SETX: variants seen among roughly 807,000 people sequenced by gnomAD.
SETX encodes senataxin, also known as helicase senataxin.
In SETX, 90 loss-of-function variants were observed where a neutral mutation model predicts 227.2. The observed-to-expected ratio is 0.40, with a 90% CI of 0.33 to 0.47. The LOEUF (loss-of-function observed/expected upper bound fraction) is 0.47. Ranked by LOEUF, SETX falls within the 20% of genes least tolerant of loss-of-function variation. The pLI, the probability that SETX is intolerant of heterozygous loss-of-function variation, is 0.91. For synonymous variants in SETX, 1,210 were observed against 1,113.2 expected (o/e 1.09, Z -1.73); for missense variants, 3,052 against 3,181.5 (o/e 0.96, Z 0.98).
chr9:132,264,976 G>A lies in SETX; in HGVS notation c.7297C>T (p.His2433Tyr), dbSNP rs1267309673. The change falls in exon 26 of 26, where the codon CAT becomes TAT. Residue 2433 changes from histidine (H) to tyrosine (Y), a missense_variant. Transcript: ENST00000224140. ...GCATCCTGAATCAGCTGATTCCAAT[G>A]CTGGTTTTCCTTGAAACAATGAGAA... Reference protein sequence around the residue: ...GHLRTLMENQHWNQLIQDAQK... With the variant: ...GHLRTLMENQYWNQLIQDAQK... 3 of 1,613,612 alleles carry A rather than the reference G, an allele frequency of 1.9e-6. No homozygotes were observed. The highest frequency in any genetic ancestry group is 1.7e-6 in the Non-Finnish European group (2 of 1,180,028).
chr9:132,342,899 G>C, intron 4 of SETX, 100 bp from the exon 5 acceptor site: 1 of 921,514 alleles, frequency 1.1e-6, no homozygotes, highest in Middle Eastern at 2.9e-4. Flanking sequence ...ATAAAAATTT[G>C]CTTTTTATTT....
At chr9:132,312,765 C>T (rs528586879) in intron 10 of SETX, among the ~76,000 whole-genome samples, 13 of 152,278 alleles carry the variant, frequency 8.5e-5, no homozygotes, top group African/African-American at 3.1e-4. Context: ...AAGGCAACTC[C>T]ATAGAATCAT....
At chr9:132,275,160 G>T in intron 23 of SETX, 96 bp downstream of exon 23, 2 of 1,362,694 alleles carry the variant, frequency 1.5e-6, no homozygotes, top group Non-Finnish European at 2.1e-6. Context: ...AATTTGCACA[G>T]ACCACTCCTT....
chr9:132,344,221 T>G (rs372185542), intron 4 of SETX, among the ~76,000 whole-genome samples: 4 of 152,280 alleles, frequency 2.6e-5, no homozygotes, highest in African/African-American at 9.6e-5. Flanking sequence ...AGATGGTTTT[T>G]GGGTTTTTTA....
At chr9:132,347,169 T>G (rs1044485675) in intron 3 of SETX, among the ~76,000 whole-genome samples, 1 of 149,142 alleles carries the variant, frequency 6.7e-6, no homozygotes, top group Non-Finnish European at 1.5e-5. Context: ...GGAGAATCGC[T>G]TGAACCCAGG....
intron 15 of SETX, among the ~76,000 whole-genome samples, chr9:132,290,570 G>A (rs907756571): frequency 2.2e-4 from 19 of 87,842 alleles, no homozygotes; most frequent in African/African-American, 1.3e-3. Flanking sequence ...GCGAGACTCC[G>A]TCTCAAAAAA....
chr9:132,291,324 G>A (rs1255277057), intron 15 of SETX, among the ~76,000 whole-genome samples: 2 of 151,696 alleles, frequency 1.3e-5, no homozygotes, highest in African/African-American at 4.8e-5. Context: ...CCCCCACCAC[G>A]CCCAGCTAAT....
chr9:132,319,145 T>C (rs1226528596), intron 10 of SETX, among the ~76,000 whole-genome samples: 1 of 152,100 alleles, frequency 6.6e-6, no homozygotes, highest in Non-Finnish European at 1.5e-5. Flanking sequence ...CCACATCAGT[T>C]CTATCACCAA....
chr9:132,293,068 A>G (rs1337876816), intron 15 of SETX, among the ~76,000 whole-genome samples: 1 of 152,242 alleles, frequency 6.6e-6, no homozygotes, highest in Non-Finnish European at 1.5e-5. Flanking sequence ...GCAATCTAGC[A>G]GTGTATTAAA....
chr9:132,327,666 C>T lies in SETX; in HGVS notation c.3932G>A (p.Arg1311His), dbSNP rs767094849. ...QRSLDYVAQL[R>H]DHGKTVGVVD... is the part of the protein sequence containing the mutation. ...TACTCCAACAGTTTTGCCATGATCACGTAATTGAGCTACATAATCCAAAGA... is the reference window on the plus strand; with the variant it reads ...TACTCCAACAGTTTTGCCATGATCATGTAATTGAGCTACATAATCCAAAGA... Residue 1311 changes from arginine to histidine, a missense_variant, in exon 10 of 26, where the codon CGT (arginine) becomes CAT (histidine). This residue lies in a region of SETX where 1,483 missense variants were observed against 1,312.0 expected (regional missense o/e 1.13). Coordinates refer to ENST00000224140, the MANE Select transcript of SETX (RefSeq NM_015046.7). 9.3e-6 allele frequency: 15 copies of T among 1,613,802 alleles called. No individual in the cohort carries two copies. The highest frequency in any genetic ancestry group is 8.3e-5 in the Admixed American group (5 of 59,904).
At chr9:132,319,583 C>A (rs980705460) in intron 10 of SETX, among the ~76,000 whole-genome samples, 5 of 152,204 alleles carry the variant, frequency 3.3e-5, no homozygotes, top group Admixed American at 3.3e-4. Context: ...CATCTCATGG[C>A]ATTACATTCT....
At position 132,263,571 on chromosome 9, in the gene SETX, C is replaced by T. The variant is rs1242143495; in HGVS notation, c.*668G>A. On this transcript the variant is annotated 3_prime_UTR_variant, in exon 26 of 26. Transcript: ENST00000224140. ...GAACTCATCACAGAAATATAATACC[C>T]TGGGCCAATGCACTCTATCTAAAAA... 1 of 152,350 alleles carries T rather than the reference C, an allele frequency of 6.6e-6. No homozygotes were observed. The highest frequency in any genetic ancestry group is 1.9e-4 in the East Asian group (1 of 5,204). The allele number at this position is 152,350 out of a possible 1,614,324, so 9.4% of individuals were successfully genotyped here. A position where few individuals can be genotyped will look rare whatever the true frequency, so the allele number is the denominator to read the frequency against.
At chr9:132,316,847 C>T (rs1264358021) in intron 10 of SETX, among the ~76,000 whole-genome samples, 4 of 152,198 alleles carry the variant, frequency 2.6e-5, no homozygotes, top group African/African-American at 9.6e-5. Flanking sequence ...AGCTTCGTAG[C>T]AGATAAAGCA....
intron 10 of SETX, among the ~76,000 whole-genome samples, chr9:132,320,652 T>C (rs1322403277): frequency 6.7e-6 from 1 of 150,252 alleles, no homozygotes; most frequent in Non-Finnish European, 1.5e-5. Context: ...CCAATAATTA[T>C]TGGCCTGTAT....
intron 10 of SETX, among the ~76,000 whole-genome samples, chr9:132,320,487 G>A (rs1340332418): frequency 6.6e-6 from 1 of 151,146 alleles, no homozygotes; most frequent in Non-Finnish European, 1.5e-5. Flanking sequence ...CCAGCTACTC[G>A]GGAGGTTGAG....
At chr9:132,342,925 TA>T (rs1216504221) in intron 4 of SETX, 126 bp from the exon 5 acceptor site, 8 of 712,784 alleles carry the variant, frequency 1.1e-5, no homozygotes, top group Non-Finnish European at 2.0e-5. Context: ...AATTGAGGCA[TA>T]AAAATGCTTA....
At chr9:132,308,311 G>A (rs1845450857) in intron 11 of SETX, among the ~76,000 whole-genome samples, 1 of 152,156 alleles carries the variant, frequency 6.6e-6, no homozygotes, top group Non-Finnish European at 1.5e-5. Flanking sequence ...TCTAGTTCCA[G>A]GTATCAATAT....
Position 132,326,438 on chromosome 9 carries a change from C to G in SETX, c.5160G>C (p.Gly1720=). Residue 1720 remains glycine (G), a synonymous_variant, in exon 10 of 26, where the codon GGG becomes GGC. Transcript: ENST00000224140. ...TGGACTGACAAAGACTTGCAGGGGG[C>G]CCACACTGACCAAAGTTCAAAAACA... is the stretch of plus-strand genomic sequence containing the variant. ...YEMFLNFGQC[G]PPASLCQSIS... The G allele has an allele frequency of 6.2e-7, 1 of 1,613,982 alleles. No individual in the cohort carries two copies. Among genetic ancestry groups the G allele is most frequent in the Non-Finnish European group, 8.5e-7 (1 of 1,179,914 alleles).
chr9:132,285,130 G>A (rs929435717), intron 18 of SETX, among the ~76,000 whole-genome samples: 2 of 152,032 alleles, frequency 1.3e-5, no homozygotes, highest in Non-Finnish European at 2.9e-5. Context: ...GCCCGCCTCG[G>A]CCTCCCAAAG....
Sources: allele counts gnomAD v4.1 joint callset (sites outside exome capture counted in the v4.1 genomes callset), GRCh38; gene constraint gnomAD v4.1.1; regional missense constraint gnomAD v4.1.1; transcripts MANE v1.5; gene names NCBI Gene and HGNC (gene_info 2026-07-23, HGNC 2026-07-21).